The following TRPM8 variants were observed in gnomAD, a reference collection of about 807,000 sequenced individuals.
TRPM8 encodes TRPM8 cationic channel.
In TRPM8, 110 loss-of-function variants were observed where a neutral mutation model predicts 133.7. The observed-to-expected ratio is 0.82, with a 90% CI of 0.70 to 0.96. The LOEUF (loss-of-function observed/expected upper bound fraction) is 0.96. Among genes scored for constraint, TRPM8 ranks in the 40% least tolerant of loss-of-function variants. TRPM8 has a pLI of 0.00. For synonymous variants in TRPM8, 535 were observed against 532.3 expected (o/e 1.01, Z -0.07); for missense variants, 1,291 against 1,379.5 (o/e 0.94, Z 1.02).
At position 234,014,560 on chromosome 2, in the gene TRPM8, A is replaced by G; in HGVS notation, c.3265-2A>G. On this transcript the variant is annotated splice_acceptor_variant, in intron 24 of 25. Coordinates refer to ENST00000324695, the MANE Select transcript of TRPM8 (RefSeq NM_024080.5). LOFTEE classifies it high-confidence loss of function. ...TGAGTTCTATTTTTTTCTCTTTCCA[A>G]GCTTAATGATCTCAAGGGTCTTCTG... is the stretch of plus-strand genomic sequence containing the variant. 2 of 1,540,072 alleles carry G rather than the reference A, an allele frequency of 1.3e-6. No individual in the cohort carries two copies. Among genetic ancestry groups the G allele is most frequent in the African/African-American group, 1.4e-5 (1 of 70,490 alleles).
intron 11 of TRPM8, 31 bp from the exon 12 acceptor site, chr2:233,960,745 T>A: frequency 6.3e-7 from 1 of 1,592,380 alleles, no homozygotes; most frequent in Non-Finnish European, 8.6e-7. Context: ...TTTATAGTAT[T>A]GTTAGTACTG....
intron 2 of TRPM8, among the ~76,000 whole-genome samples, chr2:233,927,766 CTTTCTTTCTTTCTTTCTTTCTTTCTT>C (rs1559516032): frequency 5.7e-5 from 4 of 70,122 alleles, no homozygotes; most frequent in African/African-American, 3.3e-4. Context: ...TTCTTTCTTT[CTTTCTTTCTTTCTTTCTTTCTTTCTT>C]TTCTTTCCTT....
At chr2:234,013,083 T>C (rs931642908) in intron 24 of TRPM8, 5 of 152,156 alleles carry the variant, frequency 3.3e-5, no homozygotes, top group Non-Finnish European at 4.4e-5. Flanking sequence ...CCTATAGTTT[T>C]CTTTTCTTGT....
Position 233,950,096 on chromosome 2 carries a change from C to A in TRPM8, c.1090C>A (p.Arg364Ser). Residue 364 changes from arginine to serine, a missense_variant, in exon 9 of 26, where the codon CGC becomes AGC. By Grantham distance (110) the Arg-to-Ser change is moderately radical. This residue lies in a region of TRPM8 where 963 missense variants were observed against 968.9 expected (regional missense o/e 0.99). Coordinates refer to ENST00000324695, the MANE Select transcript of TRPM8 (RefSeq NM_024080.5). ...VKEKLVRFLP[R>S]TVSRLPEEET... is the part of the protein sequence containing the mutation. ...GGAGAAGCTGGTGCGCTTTTTACCCCGCACGGTGTCCCGGCTGCCTGAGGA... is the reference window on the plus strand; with the variant it reads ...GGAGAAGCTGGTGCGCTTTTTACCCAGCACGGTGTCCCGGCTGCCTGAGGA... The A allele has an allele frequency of 2.5e-6, 4 of 1,613,718 alleles. No homozygotes were observed. The highest frequency in any genetic ancestry group is 3.4e-6 in the Non-Finnish European group (4 of 1,180,032).
chr2:233,981,263 A>T (rs535798970), intron 18 of TRPM8, among the ~76,000 whole-genome samples: 21 of 152,256 alleles, frequency 1.4e-4, no homozygotes, highest in African/African-American at 4.8e-4. Flanking sequence ...TTTGAGCCAC[A>T]GTTGGTTGGA....
rs192246652 is a variant in TRPM8, at chr2:233,989,386, A to G, written c.2939+3521A>G. On this transcript the variant is annotated intron_variant, in intron 21 of 25. Transcript: ENST00000324695. The surrounding 1 kb of genome is among the most constrained non-coding windows in gnomAD (Gnocchi z 4.2). ...ATCACATCCTACTGTTGCCCCAGTC[A>G]GTGCTTAAGTGTGACAGCTTGCAAC... Among the ~76,000 whole-genome samples the G allele has an allele frequency of 1.4e-4, 22 of 152,316 alleles. No individual in the cohort carries two copies. In the East Asian group the frequency reaches 4.0e-3, roughly 28 times the overall value.
intron 24 of TRPM8, among the ~76,000 whole-genome samples, chr2:234,012,283 G>A (rs941031961): frequency 1.3e-4 from 20 of 151,986 alleles, no homozygotes; most frequent in African/African-American, 4.1e-4. Flanking sequence ...GAGTAGCTGG[G>A]ATTACAGGCG....
At chr2:234,004,705 A>G (rs1692650738) in intron 22 of TRPM8, among the ~76,000 whole-genome samples, 1 of 152,266 alleles carries the variant, frequency 6.6e-6, no homozygotes, top group African/African-American at 2.4e-5. Context: ...CATATTCATT[A>G]TAGGACATTT....
At chr2:233,987,908 C>T (rs956961439) in intron 21 of TRPM8, among the ~76,000 whole-genome samples, 7 of 152,014 alleles carry the variant, frequency 4.6e-5, no homozygotes, top group South Asian at 4.1e-4. Context: ...ACTTGCTCCT[C>T]CTTGCCTTCC....
At chr2:233,994,086 TA>T (rs1161233807) in intron 21 of TRPM8, among the ~76,000 whole-genome samples, 1 of 152,356 alleles carries the variant, frequency 6.6e-6, no homozygotes, top group Non-Finnish European at 1.5e-5. Context: ...TATTTCAAGT[TA>T]CTTCTAGGGA....
At position 234,017,399 on chromosome 2, in the gene TRPM8, T is replaced by G. The variant is rs1208694143; in HGVS notation, c.*143T>G. 1.7e-5 allele frequency: 8 copies of G among 470,698 alleles called. No homozygotes were observed. Among genetic ancestry groups the G allele is most frequent in the Non-Finnish European group, 3.1e-5 (7 of 227,016 alleles). 29.2% of individuals were successfully genotyped at this position (470,698 alleles called of 1,614,324 possible). The stretch of plus-strand genomic sequence containing the variant: ...GGTGGATGATTTTAAATCACCCTAG[T>G]GTGCTGAGACCTTGAGAATAAAGTG... On this transcript the variant is annotated 3_prime_UTR_variant, in exon 26 of 26. Coordinates refer to ENST00000324695, the MANE Select transcript of TRPM8 (RefSeq NM_024080.5).
chr2:233,963,494 G>A lies in TRPM8; in HGVS notation c.1749+117G>A, dbSNP rs907890440. 9.6e-6 allele frequency: 6 copies of A among 622,704 alleles called. No homozygotes were observed. In the Admixed American group the frequency reaches 1.7e-4, roughly 17 times the overall value. The allele number at this position is 622,704 out of a possible 1,614,324, so 38.6% of individuals were successfully genotyped here. ...ACATCATCAGTGAAATGGGATGTCTGAGTTCAGATGAACATGGTCTCTGTT... is the reference window on the plus strand; with the variant it reads ...ACATCATCAGTGAAATGGGATGTCTAAGTTCAGATGAACATGGTCTCTGTT... On this transcript the variant is annotated intron_variant, in intron 13 of 25. Coordinates refer to ENST00000324695, the MANE Select transcript of TRPM8 (RefSeq NM_024080.5).
intron 19 of TRPM8, among the ~76,000 whole-genome samples, chr2:233,982,776 T>TGGAGGGCTCTAGAGTGGA (rs1692042450): frequency 6.6e-6 from 1 of 152,224 alleles, no homozygotes; most frequent in Admixed American, 6.5e-5. Flanking sequence ...GCTCTAGAGC[T>TGGAGGGCTCTAGAGTGGA]GGGCTCCCAC....
At chr2:234,004,009 G>A (rs1259325493) in intron 22 of TRPM8, among the ~76,000 whole-genome samples, 1 of 152,140 alleles carries the variant, frequency 6.6e-6, no homozygotes, top group Non-Finnish European at 1.5e-5. Context: ...TAATGATTAA[G>A]CACAATATGA....
At position 234,000,647 on chromosome 2, in the gene TRPM8, C is replaced by G. The variant is rs753885233; in HGVS notation, c.3130+4131C>G. 2.6e-5 allele frequency among the ~76,000 whole-genome samples: 4 copies of G among 151,386 alleles called. 1 individual carries two copies. In the South Asian group the frequency reaches 8.3e-4, roughly 32 times the overall value. On this transcript the variant is annotated intron_variant, in intron 22 of 25. Coordinates refer to ENST00000324695, the MANE Select transcript of TRPM8 (RefSeq NM_024080.5). ...ATATAAGTTTTATGTGACATAGGAG[C>G]CTTCATAAGGAAAGGAAGATCCAAA...
intron 17 of TRPM8, among the ~76,000 whole-genome samples, chr2:233,972,746 C>T (rs1226242945): frequency 1.3e-5 from 2 of 152,198 alleles, no homozygotes; most frequent in South Asian, 2.1e-4. Context: ...CGGGCAGGGC[C>T]GGCCGGCTGC....
chr2:234,005,171 CT>C (rs1559550622), intron 22 of TRPM8, among the ~76,000 whole-genome samples: 1 of 152,020 alleles, frequency 6.6e-6, no homozygotes, highest in African/African-American at 2.4e-5. Context: ...GCTGTCCCCC[CT>C]CCTCCACCTT....
In TRPM8 at chr2:233,927,839, C is replaced by T. The variant is rs372735029; in HGVS notation, c.117+1185C>T. Among the ~76,000 whole-genome samples the T allele has an allele frequency of 2.0e-3, 137 of 67,270 alleles. 6 individuals are homozygous for T. The highest frequency in any genetic ancestry group is 3.4e-3 in the East Asian group (7 of 2,034). The allele number at this position is 67,270 out of a possible 152,430, so 44.1% of individuals were successfully genotyped here. A position where few individuals can be genotyped will look rare whatever the true frequency, so the allele number is the denominator to read the frequency against. On this transcript the variant is annotated intron_variant, in intron 2 of 25. Coordinates refer to ENST00000324695, the MANE Select transcript of TRPM8 (RefSeq NM_024080.5). ...TCCTTCCTTCCTTCCTTCCTTCCTT[C>T]CTTCCTTCCTTCCTTTCTTTCTCTT...
At chr2:233,953,268 G>A (rs570837854) in intron 9 of TRPM8, among the ~76,000 whole-genome samples, 7 of 152,254 alleles carry the variant, frequency 4.6e-5, no homozygotes, top group South Asian at 4.1e-4. Flanking sequence ...ATTTCCAAAC[G>A]TTGCCAGGGA....
Sources: allele counts gnomAD v4.1 joint callset (sites outside exome capture counted in the v4.1 genomes callset), GRCh38; gene constraint gnomAD v4.1.1; regional missense constraint gnomAD v4.1.1; non-coding constraint Gnocchi (gnomAD v3.1); transcripts MANE v1.5; gene names NCBI Gene and HGNC (gene_info 2026-07-23, HGNC 2026-07-21).